UNC79: variants seen among roughly 807,000 people sequenced by gnomAD.
UNC79 encodes the protein protein unc-79 homolog.
Under a neutral mutation model 283.1 loss-of-function variants are expected in UNC79, and 37 were observed. The observed-to-expected ratio is 0.13, with a 90% CI of 0.10 to 0.17. UNC79 has a LOEUF of 0.17. Among genes scored for constraint, UNC79 ranks in the 10% least tolerant of loss-of-function variants. UNC79 has a pLI of 1.00. For synonymous variants in UNC79, 1,107 were observed against 1,200.2 expected, an observed-to-expected ratio of 0.92 and a Z score of 1.61; for missense variants, 2,272 against 3,211.1, an observed-to-expected ratio of 0.71 and a Z score of 7.07.
At chr14:93,628,473 T>C (rs1429125350) in intron 30 of UNC79, among the ~76,000 whole-genome samples, 2 of 152,240 alleles carry the variant, frequency 1.3e-5, no homozygotes, top group South Asian at 4.1e-4. Flanking sequence ...TGTCTTTCTC[T>C]TCTCTGTTTC....
chr14:93,404,493 A>AATATATATATAT lies in UNC79; in HGVS notation c.-350-63168_-350-63157dup, dbSNP rs1445930733. On this transcript the variant is annotated intron_variant, in intron 1 of 49. Coordinates refer to the UNC79 transcript ENST00000256339. ...TGACAGAGTGAGACCTTCTAAAAAA[A>AATATATATATAT]ATATATATATATATATATATAAATA... Among the ~76,000 whole-genome samples the AATATATATATAT allele has an allele frequency of 4.5e-3, 274 of 61,462 alleles. 12 individuals carry two copies. The highest frequency in any genetic ancestry group is 0.018 in the African/African-American group (265 of 14,980). 40.3% of individuals were successfully genotyped at this position (61,462 alleles called of 152,430 possible).
In UNC79 at chr14:93,600,152, A is replaced by T. The variant is rs183978610; in HGVS notation, c.3373-417A>T. Among the ~76,000 whole-genome samples the T allele has an allele frequency of 3.9e-5, 6 of 152,300 alleles. No homozygotes were observed. In the East Asian group the frequency reaches 1.2e-3, roughly 29 times the overall value. On this transcript the variant is annotated intron_variant, in intron 24 of 48. Coordinates refer to ENST00000555664, the Ensembl canonical transcript of UNC79. ...GAGGCGGAGGTTGCAGTGAGCTGAG[A>T]TCCCATCACTGCACTCCAGCCTGGG...
At chr14:93,450,973 A>G (rs1008967508) in intron 1 of UNC79, among the ~76,000 whole-genome samples, 10 of 152,000 alleles carry the variant, frequency 6.6e-5, no homozygotes, top group South Asian at 6.2e-4. Context: ...TCTCAATTGT[A>G]TCTTCTAAAC....
At chr14:93,635,643 G>A (rs1439408332) in intron 31 of UNC79, among the ~76,000 whole-genome samples, 2 of 152,208 alleles carry the variant, frequency 1.3e-5, no homozygotes, top group Non-Finnish European at 2.9e-5. Flanking sequence ...GAGAGAGAGA[G>A]TGCTAGTCTA....
chr14:93,426,864 T>G (rs957076957), upstream of UNC79, among the ~76,000 whole-genome samples: 1 of 152,160 alleles, frequency 6.6e-6, no homozygotes, highest in African/African-American at 2.4e-5. Flanking sequence ...ATTGTCTTTT[T>G]TCTTCACCAT....
At chr14:93,530,092 A>G (rs1006992505) in intron 10 of UNC79, among the ~76,000 whole-genome samples, 4 of 152,224 alleles carry the variant, frequency 2.6e-5, no homozygotes, top group Admixed American at 2.6e-4. Context: ...CTTCAGATGT[A>G]GAAAATAAAT....
chr14:93,571,360 C>T (rs2063198084), intron 14 of UNC79, among the ~76,000 whole-genome samples: 1 of 152,182 alleles, frequency 6.6e-6, no homozygotes, highest in South Asian at 2.1e-4. Context: ...TTTTTATTCA[C>T]AGATTCAACT....
At chr14:93,644,966 G>C (rs1427292818) in intron 34 of UNC79, among the ~76,000 whole-genome samples, 2 of 152,196 alleles carry the variant, frequency 1.3e-5, no homozygotes, top group African/African-American at 4.8e-5. Flanking sequence ...AGAGATAAGA[G>C]AAGATGAATT....
chr14:93,430,756 C>G lies in UNC79; in HGVS notation c.-274C>G, dbSNP rs575196958. The G allele has an allele frequency of 5.2e-6, 2 of 386,644 alleles. No individual in the cohort carries two copies. Among genetic ancestry groups the G allele is most frequent in the South Asian group, 7.1e-5 (2 of 28,084 alleles). 24.0% of individuals were successfully genotyped at this position (386,644 alleles called of 1,614,324 possible). ...TTCGGTCTCCCCGCCCACATCAACG[C>G]GGGCAGCTCCAGGAGGGGACGGACA... On this transcript the variant is annotated 5_prime_UTR_variant, in exon 1 of 49. Coordinates refer to ENST00000555664, the Ensembl canonical transcript of UNC79. The surrounding 1 kb of genome is among the most constrained non-coding windows in gnomAD (Gnocchi z 4.6).
In UNC79 at chr14:93,690,016, C is replaced by A; in HGVS notation, c.7086-101C>A. On this transcript the variant is annotated intron_variant, in intron 44 of 48. Transcript: ENST00000555664. This position sits in a 1 kb window ranked among gnomAD's most constrained non-coding sequence, Gnocchi z 4.3. Reference sequence around the variant, plus strand: ...GCGTTTTGTTTTATGTGATTGCCTGCAAGACCACACTTTCAATCCCTTCCT... The same window carrying A: ...GCGTTTTGTTTTATGTGATTGCCTGAAAGACCACACTTTCAATCCCTTCCT... The A allele has an allele frequency of 7.4e-7, 1 of 1,347,456 alleles. No homozygotes were observed. The highest frequency in any genetic ancestry group is 1.0e-6 in the Non-Finnish European group (1 of 977,746). 83.5% of individuals were successfully genotyped at this position (1,347,456 alleles called of 1,614,324 possible).
At chr14:93,584,439 A>T (rs1300003523) in intron 20 of UNC79, among the ~76,000 whole-genome samples, 1 of 152,176 alleles carries the variant, frequency 6.6e-6, no homozygotes, top group Admixed American at 6.5e-5. Context: ...TGGGACTAGA[A>T]CCCAGGTCTT....
chr14:93,696,858 AGTTTTATTTGT>A (rs2075168752), intron 47 of UNC79, among the ~76,000 whole-genome samples: 1 of 151,964 alleles, frequency 6.6e-6, no homozygotes. Flanking sequence ...AATAATAAAG[AGTTTTATTTGT>A]GTTTTATTCT....
chr14:93,347,527 G>T, intron 1 of UNC79: 9 of 1,127,616 alleles, frequency 8.0e-6, no homozygotes, highest in Non-Finnish European at 1.1e-5. Context: ...GTCGCCGTTG[G>T]GGGAGGTTCC....
At chr14:93,696,380 T>A (rs1021833486) in intron 47 of UNC79, among the ~76,000 whole-genome samples, 1 of 152,216 alleles carries the variant, frequency 6.6e-6, no homozygotes, top group Admixed American at 6.5e-5. Flanking sequence ...TTTAAAAAAA[T>A]TGTTTTCCAA....
intron 1 of UNC79, among the ~76,000 whole-genome samples, chr14:93,369,511 C>G (rs1437209714): frequency 6.6e-6 from 1 of 152,170 alleles, no homozygotes; most frequent in Non-Finnish European, 1.5e-5. Flanking sequence ...TCATGCTTAC[C>G]AGAGCAGAAA....
At chr14:93,380,105 T>C (rs1250270661) in intron 1 of UNC79, among the ~76,000 whole-genome samples, 1 of 152,140 alleles carries the variant, frequency 6.6e-6, no homozygotes, top group Non-Finnish European at 1.5e-5. Context: ...GTAAGGAAGC[T>C]GGCACGTAGT....
At chr14:93,596,261 G>T (rs2065073852) in intron 23 of UNC79, among the ~76,000 whole-genome samples, 1 of 152,224 alleles carries the variant, frequency 6.6e-6, no homozygotes, top group African/African-American at 2.4e-5. Flanking sequence ...GGATGGAAAG[G>T]CCACTCTAGG....
At chr14:93,375,019 T>TTA (rs2054526637) in intron 1 of UNC79, among the ~76,000 whole-genome samples, 1 of 152,204 alleles carries the variant, frequency 6.6e-6, no homozygotes, top group South Asian at 2.1e-4. Flanking sequence ...AGGGGTGGAA[T>TTA]GCTATGACTT....
exon 30 of UNC79, chr14:93,622,815 A>G (rs763649311): frequency 3.1e-6 from 5 of 1,613,914 alleles, no homozygotes; most frequent in Non-Finnish European, 4.2e-6. Flanking sequence ...AACATTCTGG[A>G]CAAACTGGGA....
Sources: gnomAD v4.1 joint callset for allele counts (sites outside exome capture counted in the v4.1 genomes callset) on GRCh38, gnomAD v4.1.1 for gene constraint, Gnocchi (gnomAD v3.1) non-coding constraint, MANE v1.5 for transcripts, NCBI Gene and HGNC (gene_info 2026-07-23, HGNC 2026-07-21) for gene names.